SIK3: variants seen among roughly 807,000 people sequenced by gnomAD.
The protein encoded by SIK3 is SIK family kinase 3.
A neutral mutation model predicts 144.2 loss-of-function variants in SIK3; 28 were observed. The observed-to-expected ratio is 0.19, with a 90% CI of 0.14 to 0.27. The LOEUF (loss-of-function observed/expected upper bound fraction) is 0.27. Among genes scored for constraint, SIK3 ranks in the 10% least tolerant of loss-of-function variants. SIK3 has a pLI of 1.00. For synonymous variants in SIK3, 686 were observed against 676.3 expected (o/e 1.01, Z -0.22); for missense variants, 1,319 against 1,776.0 (o/e 0.74, Z 4.62).
At chr11:117,035,741 T>A (rs951861203) in intron 1 of SIK3, 46 of 1,187,128 alleles carry the variant, frequency 3.9e-5, no homozygotes, top group Non-Finnish European at 5.0e-5. Context: ...TTTTTTTTTT[T>A]AATCCAAAAT....
At position 117,098,243 on chromosome 11, in the gene SIK3, G is replaced by A. The variant is rs1343627372; in HGVS notation, c.173C>T (p.Pro58Leu). The change falls in exon 1 of 25, where the codon CCC becomes CTC. Residue 58 changes from proline (P) to leucine (L), a missense_variant. By Grantham distance (98) the Pro-to-Leu change is moderately conservative. Around this residue, in one of 8 missense-constraint regions of SIK3, gnomAD observed 114 missense variants for 116.2 expected, o/e 0.98. Coordinates refer to ENST00000445177, the MANE Select transcript of SIK3 (RefSeq NM_001366686.3). ...PRPPAPASRG[P>L]MPARIGYYEI... is the part of the protein sequence containing the mutation. Reference sequence around the variant, plus strand: ...GTAGTAGCCGATACGGGCGGGCATGGGTCCGCGGGAGGCCGGGGCTGGGGG... The same window carrying A: ...GTAGTAGCCGATACGGGCGGGCATGAGTCCGCGGGAGGCCGGGGCTGGGGG... 2 of 1,466,308 alleles carry A rather than the reference G, an allele frequency of 1.4e-6. No homozygotes were observed. Among genetic ancestry groups the A allele is most frequent in the African/African-American group, 1.5e-5 (1 of 68,036 alleles). 90.8% of individuals were successfully genotyped at this position (1,466,308 alleles called of 1,614,324 possible).
At chr11:117,056,566 T>C (rs11216251) in intron 1 of SIK3, among the ~76,000 whole-genome samples, 1 of 114,036 alleles carries the variant, frequency 8.8e-6, no homozygotes, top group African/African-American at 4.4e-5. Flanking sequence ...TAGATATAGA[T>C]ATAGATATAG....
intron 1 of SIK3, among the ~76,000 whole-genome samples, chr11:117,054,956 T>G (rs981219167): frequency 7.2e-5 from 11 of 152,196 alleles, no homozygotes; most frequent in African/African-American, 2.4e-4. Context: ...TAATAGCAAC[T>G]AATATTTATT....
At chr11:116,884,989 C>T (rs1349699743) in intron 6 of SIK3, among the ~76,000 whole-genome samples, 1 of 152,134 alleles carries the variant, frequency 6.6e-6, no homozygotes, top group Non-Finnish European at 1.5e-5. Flanking sequence ...AAGTCCCACA[C>T]TTCAGTAAAA....
chr11:117,083,625 A>G (rs1954883391), intron 1 of SIK3, among the ~76,000 whole-genome samples: 1 of 152,256 alleles, frequency 6.6e-6, no homozygotes. Context: ...AATGCTGCTT[A>G]TGCAATATTA....
chr11:116,884,350 C>CT (rs71037434), intron 6 of SIK3, among the ~76,000 whole-genome samples: 93,625 of 128,160 alleles, frequency 0.73, 35,096 homozygotes, highest in Non-Finnish European at 0.8. Context: ...CCACATCTGG[C>CT]TTTTTTTTTT....
intron 4 of SIK3, among the ~76,000 whole-genome samples, chr11:116,914,077 C>T (rs576657520): frequency 8.0e-4 from 122 of 151,702 alleles, no homozygotes; most frequent in African/African-American, 2.9e-3. Context: ...AAAATACTAT[C>T]TTAGATTAAA....
At chr11:117,070,814 G>A (rs1279370822) in intron 1 of SIK3, among the ~76,000 whole-genome samples, 1 of 140,526 alleles carries the variant, frequency 7.1e-6, no homozygotes, top group East Asian at 2.1e-4. Context: ...GTACAATGGT[G>A]CGATCTCAGC....
chr11:116,859,647 C>T (rs1266792945), intron 19 of SIK3, 43 bp from the exon 20 acceptor site: 1 of 1,544,764 alleles, frequency 6.5e-7, no homozygotes, highest in South Asian at 1.2e-5. Flanking sequence ...GCCCAGGCCA[C>T]CAGCCAGCCA....
chr11:116,925,921 T>C (rs1947250907), intron 4 of SIK3, among the ~76,000 whole-genome samples: 1 of 152,148 alleles, frequency 6.6e-6, no homozygotes. Context: ...ATAAATGATA[T>C]GAAAGTTCTA....
intron 4 of SIK3, among the ~76,000 whole-genome samples, chr11:116,919,528 T>C (rs965550327): frequency 1.9e-4 from 29 of 152,312 alleles, no homozygotes; most frequent in African/African-American, 6.3e-4. Flanking sequence ...TCCAACTTCC[T>C]TAGGTTTAAA....
At chr11:116,893,266 G>A (rs1415906640) in intron 6 of SIK3, among the ~76,000 whole-genome samples, 1 of 152,152 alleles carries the variant, frequency 6.6e-6, no homozygotes, top group Non-Finnish European at 1.5e-5. Context: ...ACTCTGGTGG[G>A]GCACATTGAT....
chr11:117,058,811 A>G (rs1953665283), intron 1 of SIK3, among the ~76,000 whole-genome samples: 1 of 152,226 alleles, frequency 6.6e-6, no homozygotes, highest in Non-Finnish European at 1.5e-5. Context: ...GAACAAATTA[A>G]TATGATGAAA....
intron 1 of SIK3, among the ~76,000 whole-genome samples, chr11:117,052,464 T>C (rs1953301688): frequency 6.6e-6 from 1 of 152,188 alleles, no homozygotes; most frequent in Non-Finnish European, 1.5e-5. Flanking sequence ...TGAAATCCTC[T>C]ATAAAGAGTC....
At chr11:116,964,869 C>T (rs980115874) in intron 1 of SIK3, among the ~76,000 whole-genome samples, 9 of 150,896 alleles carry the variant, frequency 6.0e-5, no homozygotes, top group Middle Eastern at 3.2e-3. Context: ...GCAACAAGAG[C>T]GAAACTCCAT....
chr11:116,860,945 A>G (rs1378878304), intron 19 of SIK3, among the ~76,000 whole-genome samples: 2 of 152,194 alleles, frequency 1.3e-5, no homozygotes, highest in South Asian at 2.1e-4. Flanking sequence ...TCCTTCTGCC[A>G]TGGTTGTAAG....
intron 1 of SIK3, among the ~76,000 whole-genome samples, chr11:117,002,018 G>A (rs1950870281): frequency 6.6e-6 from 1 of 152,134 alleles, no homozygotes; most frequent in Non-Finnish European, 1.5e-5. Flanking sequence ...CTTTCCCATT[G>A]CCTGCCACTT....
chr11:117,016,367 A>AGAGGG (rs1448387485), intron 1 of SIK3, among the ~76,000 whole-genome samples: 1 of 68,616 alleles, frequency 1.5e-5, no homozygotes, highest in African/African-American at 6.8e-5. Flanking sequence ...GGAGGGAGGG[A>AGAGGG]AGGAGAGGGA....
At chr11:116,956,081 G>A (rs978950488) in intron 2 of SIK3, among the ~76,000 whole-genome samples, 2 of 152,122 alleles carry the variant, frequency 1.3e-5, no homozygotes, top group Admixed American at 6.5e-5. Context: ...ACTAAGAGAT[G>A]GCTGTTCTGG....
Sources: allele counts gnomAD v4.1 joint callset (sites outside exome capture counted in the v4.1 genomes callset), GRCh38; gene constraint gnomAD v4.1.1; regional missense constraint gnomAD v4.1.1; transcripts MANE v1.5; gene names NCBI Gene and HGNC (gene_info 2026-07-23, HGNC 2026-07-21).